Variants in MFAP3L observed in about 807,000 individuals in gnomAD.
The protein encoded by MFAP3L is microfibril associated protein 3 like.
Under a neutral mutation model 20.0 loss-of-function variants are expected in MFAP3L, and 5 were observed. That is an observed-to-expected ratio of 0.25 (90% CI 0.13 to 0.53). The LOEUF (loss-of-function observed/expected upper bound fraction) is 0.53, where lower values mean the gene tolerates loss of function less well. Ranked by LOEUF, MFAP3L falls within the 20% of genes least tolerant of loss-of-function variation. The pLI, the probability that MFAP3L is intolerant of heterozygous loss-of-function variation, is 0.96. For synonymous variants in MFAP3L, 219 were observed against 213.0 expected (o/e 1.03, Z -0.25); for missense variants, 409 against 527.5 (o/e 0.78, Z 2.20).
chr4:170,020,931 T>G (rs1308847743), intron 1 of MFAP3L, among the ~76,000 whole-genome samples: 7 of 152,062 alleles, frequency 4.6e-5, no homozygotes, highest in Admixed American at 2.0e-4. Context: ...AAATCTCAGG[T>G]TGTCACTACC....
intron 2 of MFAP3L, among the ~76,000 whole-genome samples, chr4:170,001,316 G>A (rs994623697): frequency 6.6e-6 from 1 of 152,132 alleles, no homozygotes; most frequent in Non-Finnish European, 1.5e-5. Flanking sequence ...AAGTAAACTA[G>A]AGGCAAAATT....
At chr4:170,010,301 T>TA (rs1228161445) in intron 1 of MFAP3L, among the ~76,000 whole-genome samples, 2 of 152,086 alleles carry the variant, frequency 1.3e-5, no homozygotes, top group Admixed American at 6.5e-5. Context: ...CTTTTGCGAT[T>TA]AAAAAAAATG....
Position 169,990,138 on chromosome 4 carries a change from A to T in MFAP3L, c.*1240T>A, listed in dbSNP as rs1025875588. ...CTTGTCCAAAGCCAGGCAGCTGGTT[A>T]TTGGCACAGTGGGTATTAAGCCTTT... is the stretch of plus-strand genomic sequence containing the variant. On this transcript the variant is annotated 3_prime_UTR_variant, in exon 3 of 3. Transcript: ENST00000361618. 1 of 152,272 alleles carries T rather than the reference A, an allele frequency of 6.6e-6. No homozygotes were observed. Among genetic ancestry groups the T allele is most frequent in the African/African-American group, 2.4e-5 (1 of 41,460 alleles). 9.4% of individuals were successfully genotyped at this position (152,272 alleles called of 1,614,324 possible).
chr4:169,997,663 G>T, intron 2 of MFAP3L: 1 of 960,694 alleles, frequency 1.0e-6, no homozygotes, highest in Non-Finnish European at 1.2e-6. Flanking sequence ...TAGTGACATT[G>T]TTGGCAGTGG....
intron 1 of MFAP3L, 99 bp from the exon 2 acceptor site, chr4:170,006,109 A>T (rs6814220): frequency 0.044 from 41,397 of 934,338 alleles, 6,322 homozygotes; most frequent in African/African-American, 0.4. Context: ...TACAAACATC[A>T]ACATACTTTT....
intron 1 of MFAP3L, among the ~76,000 whole-genome samples, chr4:170,011,207 C>T (rs1739361918): frequency 6.6e-6 from 1 of 152,182 alleles, no homozygotes; most frequent in Non-Finnish European, 1.5e-5. Context: ...ATAAATTACC[C>T]AGTCTCAGGT....
intron 2 of MFAP3L, among the ~76,000 whole-genome samples, chr4:170,001,539 C>T (rs1738617819): frequency 6.6e-6 from 1 of 152,170 alleles, no homozygotes; most frequent in Non-Finnish European, 1.5e-5. Context: ...TCTTGAAATC[C>T]TCGTTACTTA....
intron 2 of MFAP3L, chr4:169,994,151 G>A: frequency 1.0e-6 from 1 of 982,292 alleles, no homozygotes; most frequent in Non-Finnish European, 1.2e-6. Flanking sequence ...AGAAGACATT[G>A]GGTTCTAGAG....
intron 1 of MFAP3L, among the ~76,000 whole-genome samples, chr4:170,009,792 C>T (rs1193025858): frequency 1.3e-5 from 2 of 152,192 alleles, no homozygotes; most frequent in Admixed American, 6.5e-5. Flanking sequence ...CCTATTTCTT[C>T]TTTTTCCACC....
Position 169,990,851 on chromosome 4 carries a change from A to G in MFAP3L, c.*527T>C, listed in dbSNP as rs113802149. 10 of 155,156 alleles carry G rather than the reference A, an allele frequency of 6.4e-5. No individual in the cohort carries two copies. The highest frequency in any genetic ancestry group is 2.4e-4 in the African/African-American group (10 of 41,602). The allele number at this position is 155,156 out of a possible 1,614,324, so 9.6% of individuals were successfully genotyped here. On this transcript the variant is annotated 3_prime_UTR_variant, in exon 3 of 3. Coordinates refer to ENST00000361618, the MANE Select transcript of MFAP3L (RefSeq NM_021647.8). ...TCTGAGGTACGTGTTCTAGGGAAACATAAGGACAAAAGTGGCAATGAGGAC... is the reference window on the plus strand; with the variant it reads ...TCTGAGGTACGTGTTCTAGGGAAACGTAAGGACAAAAGTGGCAATGAGGAC...
chr4:170,015,498 T>C (rs1560988172), intron 1 of MFAP3L, among the ~76,000 whole-genome samples: 1 of 152,222 alleles, frequency 6.6e-6, no homozygotes, highest in Non-Finnish European at 1.5e-5. Context: ...CAGACACAGC[T>C]TGTGCGCCAC....
chr4:169,994,975 GCAT>G (rs1738029719), intron 2 of MFAP3L: 1 of 152,096 alleles, frequency 6.6e-6, no homozygotes, highest in African/African-American at 2.4e-5. Flanking sequence ...ATTACCTATA[GCAT>G]GAGCTGTAAC....
chr4:170,008,876 T>G (rs1328634557), intron 1 of MFAP3L, among the ~76,000 whole-genome samples: 1 of 152,232 alleles, frequency 6.6e-6, no homozygotes, highest in South Asian at 2.1e-4. Flanking sequence ...TATAGTTCAG[T>G]AGGATTTCCT....
chr4:170,019,951 A>G lies in MFAP3L; in HGVS notation c.-134+6283T>C, dbSNP rs933753965. Among the ~76,000 whole-genome samples the G allele has an allele frequency of 9.2e-5, 14 of 152,280 alleles. No individual in the cohort carries two copies. The South Asian group carries it at 2.5e-3, about 27-fold the overall frequency. On this transcript the variant is annotated intron_variant, in intron 1 of 2. Transcript: ENST00000361618. The stretch of plus-strand genomic sequence containing the variant: ...TTTCAGTCTCATTAGCAAGTCCCCA[A>G]TGCTTCAGTCCAAAAGCTGAGGGTC...
At chr4:170,015,112 G>A (rs1739616952) in intron 1 of MFAP3L, among the ~76,000 whole-genome samples, 1 of 152,196 alleles carries the variant, frequency 6.6e-6, no homozygotes, top group Non-Finnish European at 1.5e-5. Flanking sequence ...TGAGGTTAAG[G>A]TCAAGAACAG....
rs1739714046 is a variant in MFAP3L at position 170,016,569 on chromosome 4, C to T, written c.-134+9665G>A. 3.9e-5 allele frequency among the ~76,000 whole-genome samples: 6 copies of T among 152,194 alleles called. 1 individual carries two copies. The highest frequency in any genetic ancestry group is 3.8e-4 in the East Asian group (2 of 5,198). ...TTAACTACTACGTGTTTACATACTG[C>T]GCTCCCATTAGGATGGGAGCTCCTA... On this transcript the variant is annotated intron_variant, in intron 1 of 2. Coordinates refer to ENST00000361618, the MANE Select transcript of MFAP3L (RefSeq NM_021647.8).
Position 169,992,255 on chromosome 4 carries a change from GAGA to G in MFAP3L, c.350_352del (p.Phe117del). The G allele has an allele frequency of 6.2e-7, 1 of 1,613,974 alleles. No homozygotes were observed. The highest frequency in any genetic ancestry group is 8.5e-7 in the Non-Finnish European group (1 of 1,179,942). ...CACACACGTGTATTTACCTCGGTCT[GAGA>G]AGGATACCTTGGTGATGTTCAGGAG... On this transcript the variant is annotated inframe_deletion, in exon 3 of 3. Coordinates refer to ENST00000361618, the MANE Select transcript of MFAP3L (RefSeq NM_021647.8). The surrounding 1 kb of genome is among the most constrained non-coding windows in gnomAD (Gnocchi z 4.3).
In MFAP3L at chr4:169,992,216, T is replaced by C. The variant is rs1431023325; in HGVS notation, c.392A>G (p.Tyr131Cys). 3 of 1,614,032 alleles carry C rather than the reference T, an allele frequency of 1.9e-6. No individual in the cohort carries two copies. The highest frequency in any genetic ancestry group is 1.7e-6 in the Non-Finnish European group (2 of 1,180,044). ...GGTCACCGTGTTGTTCACGGTGCCGTAGATGTTAGAAGCCACACACGTGTA... is the reference window on the plus strand; with the variant it reads ...GGTCACCGTGTTGTTCACGGTGCCGCAGATGTTAGAAGCCACACACGTGTA... ...GKYTCVASNI[Y>C]GTVNNTVTLR... Residue 131 changes from tyrosine (Y) to cysteine (C), a missense_variant, in exon 3 of 3, where the codon TAC becomes TGC. Coordinates refer to ENST00000361618, the MANE Select transcript of MFAP3L (RefSeq NM_021647.8). This position sits in a 1 kb window ranked among gnomAD's most constrained non-coding sequence, Gnocchi z 4.3.
intron 1 of MFAP3L, among the ~76,000 whole-genome samples, chr4:170,011,660 G>A (rs984633897): frequency 6.6e-5 from 10 of 152,082 alleles, no homozygotes; most frequent in Admixed American, 2.0e-4. Context: ...CCTCTTGTCA[G>A]AATCCGGAAG....
Sources: allele counts gnomAD v4.1 joint callset (sites outside exome capture counted in the v4.1 genomes callset), GRCh38; gene constraint gnomAD v4.1.1; non-coding constraint Gnocchi (gnomAD v3.1); transcripts MANE v1.5; gene names NCBI Gene and HGNC (gene_info 2026-07-23, HGNC 2026-07-21).